The following TEX11 variants were observed in gnomAD, a reference collection of about 807,000 sequenced individuals.
The protein encoded by TEX11 is testis expressed 11.
TEX11 carries 7 observed loss-of-function variants against 84.4 expected under a neutral mutation model. The ratio of observed to expected loss-of-function variants is 0.08; its 90% CI spans 0.05 to 0.16. The LOEUF (loss-of-function observed/expected upper bound fraction) is 0.16. Among genes scored for constraint, TEX11 ranks in the 10% least tolerant of loss-of-function variants. The probability of loss-of-function intolerance (pLI) is 1.00; values close to 1 mark genes in which losing one functional copy is unlikely to be tolerated. For synonymous variants in TEX11, 264 were observed against 222.8 expected (o/e 1.18, Z -1.64); for missense variants, 551 against 660.5 (o/e 0.83, Z 1.82).
chrX:70,524,602 G>A (rs1214852227), downstream of TEX11, among the ~76,000 whole-genome samples: 1 of 112,547 alleles, frequency 8.9e-6, no homozygotes, highest in East Asian at 2.8e-4. Flanking sequence ...AGTTTCGCTC[G>A]TTGCCCAGGC....
At chrX:70,805,763 T>G (rs1179577375) in intron 9 of TEX11, among the ~76,000 whole-genome samples, 1 of 111,810 alleles carries the variant, frequency 8.9e-6, no homozygotes, top group East Asian at 2.8e-4. Context: ...CAAAAATACA[T>G]TTTTCACATA....
intron 9 of TEX11, among the ~76,000 whole-genome samples, chrX:70,795,998 A>G (rs2091154026): frequency 9.0e-6 from 1 of 111,677 alleles, no homozygotes; most frequent in Non-Finnish European, 1.9e-5. Context: ...CCCTTACCAA[A>G]TGAACTAAAT....
At chrX:70,748,326 C>T (rs2090783654) in intron 9 of TEX11, among the ~76,000 whole-genome samples, 1 of 111,245 alleles carries the variant, frequency 9.0e-6, no homozygotes, top group African/African-American at 3.3e-5. Flanking sequence ...AAGAGAAAAT[C>T]TTGAAAACAG....
At position 70,812,401 on chromosome X, in the gene TEX11, G is replaced by A. The variant is rs568323861; in HGVS notation, c.607-5611C>T. ...TTTTTGTATTTTCAGTAGACACGGGGTTTCACCGTGTTAGCCAGGATGGTC... is the reference window on the plus strand; with the variant it reads ...TTTTTGTATTTTCAGTAGACACGGGATTTCACCGTGTTAGCCAGGATGGTC... On this transcript the variant is annotated intron_variant, in intron 8 of 29. Coordinates refer to ENST00000374333, the MANE Select transcript of TEX11 (RefSeq NM_031276.3). Among the ~76,000 whole-genome samples the A allele has an allele frequency of 6.3e-3, 697 of 110,321 alleles. 10 individuals are homozygous for A. Among genetic ancestry groups the A allele is most frequent in the South Asian group, 0.011 (28 of 2,530 alleles).
intron 17 of TEX11, among the ~76,000 whole-genome samples, chrX:70,646,638 A>G (rs2089745641): frequency 8.9e-6 from 1 of 112,147 alleles, no homozygotes; most frequent in Non-Finnish European, 1.9e-5. Context: ...GTCTAACATC[A>G]CTACTCATCA....
intron 18 of TEX11, among the ~76,000 whole-genome samples, chrX:70,625,570 T>A (rs188087748): frequency 9.0e-6 from 1 of 110,614 alleles, no homozygotes; most frequent in East Asian, 2.8e-4. Context: ...ATTGCCATTT[T>A]AAAATTATTC....
intron 13 of TEX11, among the ~76,000 whole-genome samples, chrX:70,708,660 A>G (rs927379710): frequency 1.8e-5 from 2 of 111,549 alleles, no homozygotes; most frequent in African/African-American, 3.2e-5. Flanking sequence ...CATGGATGTA[A>G]CTGGAGGCCA....
At chrX:70,610,728 A>C (rs918144900) in intron 20 of TEX11, among the ~76,000 whole-genome samples, 185 bp from the exon 21 acceptor site, 5 of 111,569 alleles carry the variant, frequency 4.5e-5, no homozygotes, top group Non-Finnish European at 7.5e-5. Context: ...ACAGTTACTC[A>C]TTCCCAGTGC....
At chrX:70,802,582 A>G (rs1269819299) in intron 9 of TEX11, among the ~76,000 whole-genome samples, 1 of 111,391 alleles carries the variant, frequency 9.0e-6, no homozygotes, top group African/African-American at 3.3e-5. Context: ...CAAAAGGAAA[A>G]TAGTGAGCTT....
At chrX:70,514,455 C>T in the TEX11 span, among the ~76,000 whole-genome samples, 4 of 109,756 alleles carry the variant, frequency 3.6e-5, no homozygotes, top group Admixed American at 1.9e-4. Flanking sequence ...ATTAGCCAGG[C>T]GTGGTGGCGG....
chrX:70,551,529 T>A (rs1385623257), intron 28 of TEX11, among the ~76,000 whole-genome samples: 2 of 111,196 alleles, frequency 1.8e-5, no homozygotes, highest in Non-Finnish European at 3.8e-5. Context: ...CACCGCTATG[T>A]ACCCACAAAA....
intron 8 of TEX11, among the ~76,000 whole-genome samples, chrX:70,815,908 T>C (rs1384660458): frequency 8.9e-6 from 1 of 112,420 alleles, no homozygotes; most frequent in African/African-American, 3.2e-5. Flanking sequence ...GACATCTTTT[T>C]AAAATTTTAT....
At chrX:70,569,181 C>T (rs759943727) in intron 25 of TEX11, among the ~76,000 whole-genome samples, 80 of 112,221 alleles carry the variant, frequency 7.1e-4, no homozygotes, top group South Asian at 1.5e-3. Context: ...GACACCCTTT[C>T]TTCCAGTTGA....
intron 25 of TEX11, among the ~76,000 whole-genome samples, chrX:70,573,241 A>C (rs1386238906): frequency 9.0e-6 from 1 of 111,162 alleles, no homozygotes; most frequent in Non-Finnish European, 1.9e-5. Flanking sequence ...CAAAGTCTCT[A>C]CTCACTGCCA....
intron 11 of TEX11, among the ~76,000 whole-genome samples, chrX:70,740,066 C>T (rs760725099): frequency 8.9e-6 from 1 of 111,962 alleles, no homozygotes; most frequent in Admixed American, 9.5e-5. Context: ...ACTTCTTCAT[C>T]CTAAAAACTC....
intron 8 of TEX11, among the ~76,000 whole-genome samples, chrX:70,813,579 GT>G (rs745398749): frequency 0.016 from 1,808 of 111,261 alleles, 21 homozygotes; most frequent in South Asian, 0.045. Context: ...ATTCAACATA[GT>G]GTTGGAAGTT....
At chrX:70,748,080 T>A (rs2090781143) in intron 9 of TEX11, among the ~76,000 whole-genome samples, 1 of 109,158 alleles carries the variant, frequency 9.2e-6, no homozygotes. Flanking sequence ...GAACATGGGC[T>A]CAGAAAAATG....
the TEX11 span, among the ~76,000 whole-genome samples, chrX:70,513,151 C>T: frequency 3.7e-4 from 40 of 107,629 alleles, 2 homozygotes; most frequent in Middle Eastern, 4.7e-3. Flanking sequence ...GTCGGGAGTT[C>T]AAGACCAGCC....
chrX:70,570,955 T>A (rs781765245), intron 25 of TEX11, among the ~76,000 whole-genome samples: 3 of 112,156 alleles, frequency 2.7e-5, no homozygotes, highest in African/African-American at 9.7e-5. Flanking sequence ...GCAAGACTTT[T>A]AGCAATTGTA....
Sources: gnomAD v4.1 joint callset for allele counts (sites outside exome capture counted in the v4.1 genomes callset) on GRCh38, gnomAD v4.1.1 for gene constraint, MANE v1.5 for transcripts, NCBI Gene and HGNC (gene_info 2026-07-23, HGNC 2026-07-21) for gene names.